THOC2: variants seen among roughly 807,000 people sequenced by gnomAD.
THOC2 encodes the protein THO complex subunit 2.
In THOC2, 10 loss-of-function variants were observed where a neutral mutation model predicts 128.4. That is an observed-to-expected ratio of 0.08 (90% CI 0.05 to 0.13). The LOEUF is 0.13. Among genes scored for constraint, THOC2 ranks in the 10% least tolerant of loss-of-function variants. THOC2 has a pLI of 1.00. For synonymous variants in THOC2, 393 were observed against 396.9 expected, an observed-to-expected ratio of 0.99 and a Z score of 0.12; for missense variants, 535 against 1,155.7, an observed-to-expected ratio of 0.46 and a Z score of 7.79.
In THOC2 at chrX:123,621,704, G is replaced by C. The variant is rs1268861615; in HGVS notation, c.3786-117C>G. 5.2e-6 allele frequency: 3 copies of C among 577,687 alleles called. No homozygotes were observed. In the East Asian group the frequency reaches 1.2e-4, roughly 22 times the overall value. 47.6% of individuals were successfully genotyped at this position (577,687 alleles called of 1,213,427 possible). ...AACTTCAAAAATACTAGAACTAAGG[G>C]GGAGTCCTTTGAAAACTAAAGGACA... On this transcript the variant is annotated intron_variant, in intron 30 of 38. Coordinates refer to ENST00000245838, the MANE Select transcript of THOC2 (RefSeq NM_001081550.2).
chrX:123,666,544 G>C (rs994087648), intron 11 of THOC2, among the ~76,000 whole-genome samples: 17 of 111,393 alleles, frequency 1.5e-4, no homozygotes, highest in Admixed American at 4.8e-4. Context: ...CTGATCTATG[G>C]GGCTGTAGCC....
Position 123,632,471 on chromosome X carries a change from CAG to C in THOC2, c.2316+388_2316+389del, listed in dbSNP as rs1446056869. On this transcript the variant is annotated intron_variant, in intron 21 of 38. Transcript: ENST00000245838. ...ATGCACTGCACTCTAGCCTGGGTAACAGAGTGAGGCTTTGTCTCAAAAAAAAA... is the reference window on the plus strand; with the variant it reads ...ATGCACTGCACTCTAGCCTGGGTAACAGTGAGGCTTTGTCTCAAAAAAAAA... Among the ~76,000 whole-genome samples, 7 of 67,550 alleles carry C rather than the reference CAG, an allele frequency of 1.0e-4. No individual in the cohort carries two copies. In the Admixed American group the frequency reaches 1.7e-3, roughly 17 times the overall value. 58.7% of individuals were successfully genotyped at this position (67,550 alleles called of 115,157 possible). A position where few individuals can be genotyped will look rare whatever the true frequency, so the allele number is the denominator to read the frequency against.
intron 12 of THOC2, among the ~76,000 whole-genome samples, chrX:123,663,495 A>T (rs1245817733): frequency 9.2e-6 from 1 of 108,340 alleles, no homozygotes; most frequent in East Asian, 2.9e-4. Context: ...ATAAAATTGT[A>T]GAAGTTTACT....
In THOC2 at chrX:123,667,103, T is replaced by C. The variant is rs1303628716; in HGVS notation, c.1190+3A>G. 2 of 1,165,406 alleles carry C rather than the reference T, an allele frequency of 1.7e-6. No homozygotes were observed. Among genetic ancestry groups the C allele is most frequent in the Admixed American group, 2.6e-5 (1 of 38,614 alleles). ...ATGATTAATAAAGTATAAAGTTACATACCTTCGGTAGAGAGGCTCAATAGT... is the reference window on the plus strand; with the variant it reads ...ATGATTAATAAAGTATAAAGTTACACACCTTCGGTAGAGAGGCTCAATAGT... On this transcript the variant is annotated splice_donor_region_variant and intron_variant, in intron 11 of 38. Transcript: ENST00000245838.
intron 29 of THOC2, 75 bp downstream of exon 29, chrX:123,623,030 T>G: frequency 6.8e-6 from 7 of 1,026,219 alleles, no homozygotes; most frequent in Non-Finnish European, 8.0e-6. Flanking sequence ...AGCATTGTAC[T>G]CGTTCTGTGA....
intron 12 of THOC2, among the ~76,000 whole-genome samples, chrX:123,665,349 G>A (rs930298693): frequency 3.6e-5 from 4 of 111,291 alleles, no homozygotes; most frequent in African/African-American, 1.3e-4. Flanking sequence ...TAGGAGTAAC[G>A]GGCCATACCA....
At chrX:123,630,967 G>A (rs1398545114) in intron 22 of THOC2, among the ~76,000 whole-genome samples, 1 of 112,337 alleles carries the variant, frequency 8.9e-6, no homozygotes, top group African/African-American at 3.2e-5. Flanking sequence ...CTTTGTTTAG[G>A]TTTTTGTATC....
At chrX:123,719,580 G>C (rs769064530) in intron 1 of THOC2, among the ~76,000 whole-genome samples, 1 of 102,918 alleles carries the variant, frequency 9.7e-6, no homozygotes, top group African/African-American at 3.6e-5. Flanking sequence ...CTGGGCAACA[G>C]AGTGAGACCC....
chrX:123,670,154 A>C (rs1679677831), intron 9 of THOC2, among the ~76,000 whole-genome samples: 1 of 112,097 alleles, frequency 8.9e-6, no homozygotes, highest in Non-Finnish European at 1.9e-5. Flanking sequence ...TTTAAATACT[A>C]ATATGGCTCT....
chrX:123,699,936 G>T (rs1392990236), intron 4 of THOC2, among the ~76,000 whole-genome samples: 1 of 111,836 alleles, frequency 8.9e-6, no homozygotes, highest in Non-Finnish European at 1.9e-5. Context: ...TATCCCAACT[G>T]TACCTTCCCT....
chrX:123,676,909 C>T (rs2049520082), intron 8 of THOC2, among the ~76,000 whole-genome samples: 3 of 111,435 alleles, frequency 2.7e-5, no homozygotes, highest in Non-Finnish European at 5.6e-5. Context: ...TGTATCTGTC[C>T]TCAAATGGGC....
intron 8 of THOC2, among the ~76,000 whole-genome samples, chrX:123,675,692 T>G (rs1052786325): frequency 8.1e-5 from 9 of 110,985 alleles, no homozygotes; most frequent in African/African-American, 2.6e-4. Context: ...ATGTAGCAAC[T>G]ATGGAGATTA....
chrX:123,638,303 T>C (rs2047753886), intron 17 of THOC2, among the ~76,000 whole-genome samples, 180 bp from the exon 18 acceptor site: 1 of 112,303 alleles, frequency 8.9e-6, no homozygotes, highest in Non-Finnish European at 1.9e-5. Flanking sequence ...AGTACCAACA[T>C]TTCTTCTTTA....
At chrX:123,714,417 T>C (rs1190495390) in intron 1 of THOC2, among the ~76,000 whole-genome samples, 2 of 112,075 alleles carry the variant, frequency 1.8e-5, no homozygotes, top group African/African-American at 3.2e-5. Flanking sequence ...TTAGACAAAA[T>C]ATACTTTGAA....
chrX:123,668,265 G>A lies in THOC2; in HGVS notation c.911C>T (p.Ala304Val), dbSNP rs202244860. The A allele has an allele frequency of 1.1e-5, 13 of 1,198,089 alleles. No homozygotes were observed. The highest frequency in any genetic ancestry group is 2.3e-4 in the Middle Eastern group (1 of 4,306). ...CTTTCTAACAATTTGCTTAGCTTCCGCAATTTCTCGTTTGTGTTCATCCAT... is the reference window on the plus strand; with the variant it reads ...CTTTCTAACAATTTGCTTAGCTTCCACAATTTCTCGTTTGTGTTCATCCAT... ...CIMDEHKREI[A>V]EAKQIVRKLT... Residue 304 changes from alanine to valine, a missense_variant, in exon 10 of 39, where the codon GCG becomes GTG. Ala to Val is a moderately conservative substitution (Grantham distance 64). Transcript: ENST00000245838.
Position 123,615,100 on chromosome X carries a change from C to G in THOC2, c.4312-911G>C, listed in dbSNP as rs150455567. 5.7e-3 allele frequency among the ~76,000 whole-genome samples: 632 copies of G among 111,367 alleles called. 4 individuals are homozygous for G. The highest frequency in any genetic ancestry group is 0.023 in the Middle Eastern group (5 of 213). On this transcript the variant is annotated intron_variant, in intron 33 of 38. Transcript: ENST00000245838. ...TAACCTTACGGCATTTATATCTGTGCTACAAGCCTATGTTTAATTTAAGAC... is the reference window on the plus strand; with the variant it reads ...TAACCTTACGGCATTTATATCTGTGGTACAAGCCTATGTTTAATTTAAGAC...
chrX:123,616,551 T>G (rs1366924477), intron 33 of THOC2, among the ~76,000 whole-genome samples: 1 of 111,169 alleles, frequency 9.0e-6, no homozygotes, highest in Non-Finnish European at 1.9e-5. Context: ...CTTTTAGGCT[T>G]GGGTTTGGCT....
At position 123,638,053 on chromosome X, in the gene THOC2, G is replaced by A. The variant is rs1416772932; in HGVS notation, c.1911C>T (p.Ser637=). The A allele has an allele frequency of 8.4e-7, 1 of 1,193,511 alleles. No homozygotes were observed. The highest frequency in any genetic ancestry group is 1.1e-6 in the Non-Finnish European group (1 of 883,245). Residue 637 remains serine (S), a synonymous_variant, in exon 18 of 39, where the codon AGC becomes AGT. Transcript: ENST00000245838. ...RMKHDDTTIS[S]WLQSLASFCG... is the part of the protein sequence containing the mutation. The stretch of plus-strand genomic sequence containing the variant: ...AATAAAAATACTTACTCTGAAGCCA[G>A]CTTGAGATGGTTGTGTCATCATGTT...
intron 10 of THOC2, 101 bp downstream of exon 10, chrX:123,668,058 A>G: frequency 1.5e-6 from 1 of 651,811 alleles, no homozygotes; most frequent in East Asian, 4.2e-5. Context: ...AGCAAAATGA[A>G]AACTAAGAAA....
Sources: allele counts gnomAD v4.1 joint callset (sites outside exome capture counted in the v4.1 genomes callset), GRCh38; gene constraint gnomAD v4.1.1; transcripts MANE v1.5; gene names NCBI Gene and HGNC (gene_info 2026-07-23, HGNC 2026-07-21).